The following SULF1 variants were observed in gnomAD, a reference collection of about 807,000 sequenced individuals.
SULF1 encodes the protein sulfatase 1, also known as extracellular sulfatase Sulf-1.
SULF1 carries 46 observed loss-of-function variants against 110.5 expected under a neutral mutation model. The observed-to-expected ratio is 0.42, with a 90% CI of 0.33 to 0.53. SULF1 has a LOEUF of 0.53. Ranked by LOEUF, SULF1 falls within the 20% of genes least tolerant of loss-of-function variation. The probability of loss-of-function intolerance (pLI) is 0.12; values close to 1 mark genes in which losing one functional copy is unlikely to be tolerated. For synonymous variants in SULF1, 371 were observed against 387.1 expected, an observed-to-expected ratio of 0.96 and a Z score of 0.49; for missense variants, 941 against 1,094.2, an observed-to-expected ratio of 0.86 and a Z score of 1.98.
intron 3 of SULF1, among the ~76,000 whole-genome samples, chr8:69,537,401 T>A (rs1285721438): frequency 1.3e-5 from 2 of 152,226 alleles, no homozygotes; most frequent in Admixed American, 6.5e-5. Flanking sequence ...TTGTCTTCTA[T>A]GAAATAGAGT....
chr8:69,653,427 T>C (rs781657038), intron 22 of SULF1, among the ~76,000 whole-genome samples: 1 of 152,230 alleles, frequency 6.6e-6, no homozygotes, highest in African/African-American at 2.4e-5. Context: ...TTATAAAGGA[T>C]ATTATAAGAA....
intron 3 of SULF1, among the ~76,000 whole-genome samples, chr8:69,506,795 A>G (rs1811228118): frequency 6.6e-6 from 1 of 152,244 alleles, no homozygotes; most frequent in African/African-American, 2.4e-5. Context: ...AAGGAGTTTA[A>G]TTACGATGAG....
At chr8:69,545,902 C>T (rs1814227690) in intron 3 of SULF1, among the ~76,000 whole-genome samples, 1 of 152,120 alleles carries the variant, frequency 6.6e-6, no homozygotes, top group African/African-American at 2.4e-5. Context: ...ATCATGTTGG[C>T]CAGGCTGGTC....
In SULF1 at chr8:69,643,665, CTTTCT is replaced by C. The variant is rs144048041; in HGVS notation, c.2585+2835_2585+2839del. Among the ~76,000 whole-genome samples, 398 of 152,214 alleles carry C rather than the reference CTTTCT, an allele frequency of 2.6e-3. 2 individuals carry two copies. The highest frequency in any genetic ancestry group is 9.2e-3 in the African/African-American group (380 of 41,528). On this transcript the variant is annotated intron_variant, in intron 22 of 22. Coordinates refer to ENST00000402687, the MANE Select transcript of SULF1 (RefSeq NM_001128205.2). ...GTTTTTTTCTGTTGCTGCTCAATTTCTTTCTTTTCTTTTCTATCTTTTCTTTTCTC... is the reference window on the plus strand; with the variant it reads ...GTTTTTTTCTGTTGCTGCTCAATTTCTTTCTTTTCTATCTTTTCTTTTCTC...
intron 13 of SULF1, among the ~76,000 whole-genome samples, chr8:69,610,286 T>C (rs1423178095): frequency 6.6e-6 from 1 of 152,230 alleles, no homozygotes; most frequent in African/African-American, 2.4e-5. Context: ...GATGGATCTT[T>C]GTTCCTATAC....
At chr8:69,645,905 T>G (rs1811873040) in intron 22 of SULF1, among the ~76,000 whole-genome samples, 6 of 151,682 alleles carry the variant, frequency 4.0e-5, no homozygotes. Context: ...TTTATATTAA[T>G]TATTATTTAT....
intron 3 of SULF1, among the ~76,000 whole-genome samples, chr8:69,513,008 C>T (rs1811679929): frequency 6.6e-6 from 1 of 152,142 alleles, no homozygotes; most frequent in South Asian, 2.1e-4. Context: ...ATATTTGGTA[C>T]CCTACTGTCA....
chr8:69,579,359 G>A (rs1260472824), intron 6 of SULF1, among the ~76,000 whole-genome samples: 1 of 151,814 alleles, frequency 6.6e-6, no homozygotes, highest in Admixed American at 6.6e-5. Context: ...TTCGAGCCTG[G>A]CCAAAATAGC....
exon 1 of SULF1, chr8:69,466,926 A>G (rs1362731332): frequency 2.6e-5 from 4 of 152,212 alleles, no homozygotes; most frequent in African/African-American, 9.7e-5. Flanking sequence ...TTCAGCAGAC[A>G]CAAGAAAAGC....
At chr8:69,520,219 C>G (rs1384039244) in intron 3 of SULF1, among the ~76,000 whole-genome samples, 3 of 152,010 alleles carry the variant, frequency 2.0e-5, no homozygotes, top group African/African-American at 7.2e-5. Context: ...ATCAATCACA[C>G]AGTCTTTTAA....
intron 3 of SULF1, among the ~76,000 whole-genome samples, chr8:69,530,258 C>T (rs1812992838): frequency 2.0e-5 from 3 of 152,030 alleles, no homozygotes; most frequent in African/African-American, 7.2e-5. Flanking sequence ...AAACATCAGG[C>T]TCTTTGAGCA....
intron 13 of SULF1, among the ~76,000 whole-genome samples, chr8:69,606,859 A>T (rs1381859690): frequency 6.6e-6 from 1 of 152,196 alleles, no homozygotes; most frequent in African/African-American, 2.4e-5. Flanking sequence ...CATTATGTGG[A>T]TATATGAGAA....
Position 69,630,944 on chromosome 8 carries a change from A to G in SULF1, c.2284+1265A>G, listed in dbSNP as rs539504835. On this transcript the variant is annotated intron_variant, in intron 19 of 22. Coordinates refer to ENST00000402687, the MANE Select transcript of SULF1 (RefSeq NM_001128205.2). The stretch of plus-strand genomic sequence containing the variant: ...TAACTCGTCATTTAGTATTAGGTAT[A>G]TCTCCTAATGCTATCCCTCCCCCCT... Among the ~76,000 whole-genome samples, 309 of 151,906 alleles carry G rather than the reference A, an allele frequency of 2.0e-3. 1 individual carries two copies. The highest frequency in any genetic ancestry group is 6.6e-3 in the African/African-American group (274 of 41,420).
At chr8:69,635,511 C>T (rs956939726) in intron 19 of SULF1, among the ~76,000 whole-genome samples, 4 of 152,176 alleles carry the variant, frequency 2.6e-5, no homozygotes, top group African/African-American at 9.7e-5. Flanking sequence ...TAAAACATCT[C>T]TTTTAGCCTA....
In SULF1 at chr8:69,586,399, T is replaced by C; in HGVS notation, c.455T>C (p.Ile152Thr). Residue 152 changes from isoleucine (I) to threonine (T), a missense_variant, in exon 7 of 23, where the codon ATC becomes ACC. Ile to Thr is a moderately conservative substitution (Grantham distance 89, BLOSUM62 -1). Around this residue, in one of 3 missense-constraint regions of SULF1, gnomAD observed 822 missense variants for 934.3 expected, o/e 0.88. Coordinates refer to ENST00000402687, the MANE Select transcript of SULF1 (RefSeq NM_001128205.2). ...KYLNEYNGSY[I>T]PPGWREWLGL... ...CTCAATGAATATAATGGCAGCTACA[T>C]CCCCCCTGGGTGGCGAGAATGGCTT... 1.2e-6 allele frequency: 2 copies of C among 1,605,742 alleles called. No individual in the cohort carries two copies. The highest frequency in any genetic ancestry group is 2.2e-5 in the East Asian group (1 of 44,500).
intron 22 of SULF1, among the ~76,000 whole-genome samples, chr8:69,646,938 A>ATTTTTTTTTTTT (rs532105097): frequency 5.1e-5 from 5 of 97,740 alleles, no homozygotes; most frequent in Non-Finnish European, 1.0e-4. Flanking sequence ...GAGCCCTGGA[A>ATTTTTTTTTTTT]TTTTTTTTTT....
chr8:69,494,259 G>T (rs1234837828), intron 1 of SULF1, among the ~76,000 whole-genome samples: 8 of 152,132 alleles, frequency 5.3e-5, no homozygotes, highest in Non-Finnish European at 1.2e-4. Flanking sequence ...GTATGTATAT[G>T]TTAGTGTGTA....
At chr8:69,625,029 C>A (rs1027779701) in intron 15 of SULF1, among the ~76,000 whole-genome samples, 1 of 152,144 alleles carries the variant, frequency 6.6e-6, no homozygotes, top group Non-Finnish European at 1.5e-5. Context: ...GGGGTTTAGA[C>A]CAGAATGCAT....
At chr8:69,506,547 C>T (rs17716998) in intron 3 of SULF1, among the ~76,000 whole-genome samples, 48,942 of 152,104 alleles carry the variant, frequency 0.32, 8,206 homozygotes, top group Non-Finnish European at 0.37. Context: ...AAACATTGTG[C>T]CCATCAGGCT....
Sources: gnomAD v4.1 joint callset for allele counts (sites outside exome capture counted in the v4.1 genomes callset) on GRCh38, gnomAD v4.1.1 for gene constraint, gnomAD v4.1.1 regional missense constraint, MANE v1.5 for transcripts, NCBI Gene and HGNC (gene_info 2026-07-23, HGNC 2026-07-21) for gene names.